NARS2: variants seen among roughly 807,000 people sequenced by gnomAD.
The protein encoded by NARS2 is asparaginyl-tRNA synthetase.
NARS2 carries 60 observed loss-of-function variants against 62.9 expected under a neutral mutation model. The observed-to-expected ratio is 0.95, with a 90% confidence interval of 0.77 to 1.18. The LOEUF (loss-of-function observed/expected upper bound fraction) is 1.18. NARS2 is among the 50% of genes most tolerant of loss of function. The pLI, the probability that NARS2 is intolerant of heterozygous loss-of-function variation, is 0.00. For missense variants in NARS2, 619 were observed against 576.4 expected (o/e 1.07, Z -0.76); for synonymous variants, 196 against 200.0 (o/e 0.98, Z 0.17).
rs1376096459 is a variant in NARS2, at chr11:78,468,718, T to C, written c.1026+529A>G. 3.3e-5 allele frequency among the ~76,000 whole-genome samples: 5 copies of C among 152,066 alleles called. No homozygotes were observed. In the South Asian group the frequency reaches 1.0e-3, roughly 31 times the overall value. On this transcript the variant is annotated intron_variant, in intron 10 of 13. Transcript: ENST00000281038. ...CGCACCCAGCCTGGTCATCTTTTAA[T>C]GTCATTCAGAATATATTTTGGAAAA...
intron 7 of NARS2, among the ~76,000 whole-genome samples, chr11:78,487,647 A>T (rs1304092045): frequency 2.6e-5 from 4 of 152,196 alleles, no homozygotes; most frequent in Non-Finnish European, 5.9e-5. Flanking sequence ...ATACCTAGAC[A>T]TATCATAATC....
At chr11:78,572,168 C>T (rs540374646) in intron 1 of NARS2, among the ~76,000 whole-genome samples, 1 of 152,100 alleles carries the variant, frequency 6.6e-6, no homozygotes, top group Non-Finnish European at 1.5e-5. Context: ...GGTGACAGAG[C>T]AAGACTCCAT....
chr11:78,478,511 A>G, intron 8 of NARS2, 36 bp from the exon 9 acceptor site: 3 of 1,247,976 alleles, frequency 2.4e-6, no homozygotes, highest in Non-Finnish European at 3.3e-6. Context: ...TTTTAAAAAT[A>G]TAATTTTATT....
At chr11:78,470,483 G>A (rs964746144) in intron 9 of NARS2, among the ~76,000 whole-genome samples, 2 of 151,990 alleles carry the variant, frequency 1.3e-5, no homozygotes, top group African/African-American at 4.8e-5. Flanking sequence ...CTTTTTTACA[G>A]ATGTCATACA....
intron 11 of NARS2, 75 bp from the exon 12 acceptor site, chr11:78,443,833 C>T: frequency 1.8e-6 from 2 of 1,129,298 alleles, no homozygotes; most frequent in Non-Finnish European, 2.6e-6. Context: ...GCAAGTAAAC[C>T]TTTAACATTT....
intron 6 of NARS2, among the ~76,000 whole-genome samples, chr11:78,522,642 T>C (rs1021037659): frequency 3.9e-5 from 6 of 152,244 alleles, no homozygotes; most frequent in African/African-American, 1.4e-4. Flanking sequence ...GAAGAATTCA[T>C]TAATTTGATC....
chr11:78,561,926 T>G (rs1264493024), intron 4 of NARS2, among the ~76,000 whole-genome samples: 1 of 152,004 alleles, frequency 6.6e-6, no homozygotes, highest in Non-Finnish European at 1.5e-5. Flanking sequence ...CCCGGTGTGG[T>G]AGTGCACACC....
chr11:78,489,939 G>A (rs938511282), intron 7 of NARS2, among the ~76,000 whole-genome samples: 2 of 152,140 alleles, frequency 1.3e-5, no homozygotes, highest in South Asian at 2.1e-4. Flanking sequence ...TTGGGAGGCT[G>A]AGGTGGGAGG....
chr11:78,456,042 T>C (rs1359990055), intron 11 of NARS2, among the ~76,000 whole-genome samples: 1 of 152,176 alleles, frequency 6.6e-6, no homozygotes, highest in Non-Finnish European at 1.5e-5. Flanking sequence ...ATCTCTAATC[T>C]TACAAAGTTA....
chr11:78,510,075 AAAAGCTAT>A (rs2135384745), intron 6 of NARS2, among the ~76,000 whole-genome samples: 1 of 152,312 alleles, frequency 6.6e-6, no homozygotes, highest in East Asian at 1.9e-4. Flanking sequence ...CAAGGGACAA[AAAAGCTAT>A]AAAGTATATA....
intron 6 of NARS2, among the ~76,000 whole-genome samples, chr11:78,505,269 TAC>T (rs10533814): frequency 0.036 from 4,754 of 133,188 alleles, 122 homozygotes; most frequent in East Asian, 0.15. Flanking sequence ...GAAAACAAAA[TAC>T]ACACACACAC....
chr11:78,472,988 A>T (rs1387585367), intron 9 of NARS2, among the ~76,000 whole-genome samples: 1 of 152,210 alleles, frequency 6.6e-6, no homozygotes, highest in Non-Finnish European at 1.5e-5. Flanking sequence ...CGCACATTTT[A>T]ACATGCATAT....
intron 9 of NARS2, among the ~76,000 whole-genome samples, chr11:78,476,362 C>T (rs1465130266): frequency 6.6e-6 from 1 of 152,206 alleles, no homozygotes; most frequent in Non-Finnish European, 1.5e-5. Flanking sequence ...GGAAGCATCA[C>T]AGAATGCTGG....
intron 7 of NARS2, among the ~76,000 whole-genome samples, chr11:78,490,289 T>G (rs1317970496): frequency 6.6e-6 from 1 of 152,184 alleles, no homozygotes; most frequent in Admixed American, 6.5e-5. Flanking sequence ...CTGGGATAAC[T>G]GATCTCTCTG....
At chr11:78,521,441 G>C (rs1331703731) in intron 6 of NARS2, among the ~76,000 whole-genome samples, 3 of 152,028 alleles carry the variant, frequency 2.0e-5, no homozygotes, top group African/African-American at 7.2e-5. Context: ...TCAAAGTGTT[G>C]AGATTGCAGG....
At chr11:78,547,634 T>C (rs1855932663) in intron 5 of NARS2, among the ~76,000 whole-genome samples, 1 of 151,908 alleles carries the variant, frequency 6.6e-6, no homozygotes, top group South Asian at 2.1e-4. Flanking sequence ...GGTCAGGAGT[T>C]TGAGATCAGC....
At chr11:78,500,553 A>G (rs893395639) in intron 6 of NARS2, among the ~76,000 whole-genome samples, 2 of 152,092 alleles carry the variant, frequency 1.3e-5, no homozygotes, top group Non-Finnish European at 2.9e-5. Context: ...AGCTCACTGT[A>G]GCCTCAACCT....
At chr11:78,538,487 TG>T (rs1855461675) in intron 5 of NARS2, among the ~76,000 whole-genome samples, 1 of 152,080 alleles carries the variant, frequency 6.6e-6, no homozygotes, top group East Asian at 1.9e-4. Flanking sequence ...ATAAATGAGT[TG>T]GGTACTGGGG....
intron 5 of NARS2, among the ~76,000 whole-genome samples, chr11:78,532,956 T>C (rs939020935): frequency 2.1e-4 from 32 of 152,210 alleles, no homozygotes; most frequent in African/African-American, 7.2e-4. Context: ...TTCTCAGCAA[T>C]GACCCAACTA....
Sources: gnomAD v4.1 joint callset for allele counts (sites outside exome capture counted in the v4.1 genomes callset) on GRCh38, gnomAD v4.1.1 for gene constraint, MANE v1.5 for transcripts, NCBI Gene and HGNC (gene_info 2026-07-23, HGNC 2026-07-21) for gene names.